ARHGAP5: variants seen among roughly 807,000 people sequenced by gnomAD.
The protein encoded by ARHGAP5 is rho GTPase-activating protein 5.
In ARHGAP5, 23 loss-of-function variants were observed where a neutral mutation model predicts 116.6. That is an observed-to-expected ratio of 0.20 (90% CI 0.14 to 0.28). The LOEUF is 0.28. Among genes scored for constraint, ARHGAP5 ranks in the 10% least tolerant of loss-of-function variants. The pLI is 1.00. For synonymous variants in ARHGAP5, 574 were observed against 602.0 expected (o/e 0.95, Z 0.68); for missense variants, 1,405 against 1,774.8 (o/e 0.79, Z 3.74).
intron 3 of ARHGAP5, among the ~76,000 whole-genome samples, chr14:32,143,374 C>G (rs932835778): frequency 5.3e-5 from 8 of 152,178 alleles, no homozygotes; most frequent in South Asian, 2.1e-4. Context: ...TCCAAAGTAG[C>G]TGGGACTACA....
Position 32,077,452 on chromosome 14 carries a change from C to T in ARHGAP5, c.-169+17C>T, listed in dbSNP as rs934722989. 2.9e-6 allele frequency: 2 copies of T among 697,422 alleles called. No homozygotes were observed. Among genetic ancestry groups the T allele is most frequent in the Admixed American group, 2.0e-5 (1 of 49,428 alleles). 43.2% of individuals were successfully genotyped at this position (697,422 alleles called of 1,614,324 possible). Reference sequence around the variant, plus strand: ...CGTTGTTAGGTAGGACCTTGCGGACCCCGCTCCTCCAAGCCTGCCTGCCCC... The same window carrying T: ...CGTTGTTAGGTAGGACCTTGCGGACTCCGCTCCTCCAAGCCTGCCTGCCCC... On this transcript the variant is annotated intron_variant, in intron 1 of 6. Transcript: ENST00000345122.
At chr14:32,114,783 G>T (rs1436900568) in intron 2 of ARHGAP5, among the ~76,000 whole-genome samples, 2 of 152,154 alleles carry the variant, frequency 1.3e-5, no homozygotes, top group African/African-American at 4.8e-5. Flanking sequence ...AGACTCAGAA[G>T]AATACATTGA....
At chr14:32,103,208 T>TG (rs994767106) in intron 2 of ARHGAP5, among the ~76,000 whole-genome samples, 12 of 152,214 alleles carry the variant, frequency 7.9e-5, no homozygotes, top group African/African-American at 2.9e-4. Flanking sequence ...ATAACATAAG[T>TG]GTGGATATGT....
At chr14:32,147,370 C>A (rs1193008563) in intron 4 of ARHGAP5, among the ~76,000 whole-genome samples, 1 of 152,150 alleles carries the variant, frequency 6.6e-6, no homozygotes, top group African/African-American at 2.4e-5. Context: ...TAATTCACAT[C>A]AGAAGAGAGC....
chr14:32,156,518 A>C lies in ARHGAP5; in HGVS notation c.*1570A>C, dbSNP rs955313496. On this transcript the variant is annotated 3_prime_UTR_variant, in exon 7 of 7. Transcript: ENST00000345122. ...CAGGCTGCTGTTGAAGTACATGTATATTATAAATTATCTTATTTGTGTTAT... is the reference window on the plus strand; with the variant it reads ...CAGGCTGCTGTTGAAGTACATGTATCTTATAAATTATCTTATTTGTGTTAT... The C allele has an allele frequency of 6.6e-6, 1 of 152,354 alleles. No individual in the cohort carries two copies. Among genetic ancestry groups the C allele is most frequent in the South Asian group, 2.1e-4 (1 of 4,824 alleles). The allele number at this position is 152,354 out of a possible 1,614,324, so 9.4% of individuals were successfully genotyped here. A position where few individuals can be genotyped will look rare whatever the true frequency, so the allele number is the denominator to read the frequency against.
At position 32,152,539 on chromosome 14, in the gene ARHGAP5, T is replaced by C; in HGVS notation, c.4181+11T>C. 2.0e-6 allele frequency: 3 copies of C among 1,467,382 alleles called. No individual in the cohort carries two copies. The South Asian group carries it at 4.0e-5, about 19-fold the overall frequency. The allele number at this position is 1,467,382 out of a possible 1,614,324, so 90.9% of individuals were successfully genotyped here. On this transcript the variant is annotated intron_variant, in intron 6 of 6. Transcript: ENST00000345122. ...AACACATCTAAACAGGTATTTTTATTTTTTTAGGGTTTTTTGGCAAATAAA... is the reference window on the plus strand; with the variant it reads ...AACACATCTAAACAGGTATTTTTATCTTTTTAGGGTTTTTTGGCAAATAAA...
chr14:32,122,765 C>T lies in ARHGAP5; in HGVS notation c.3865+5478C>T, dbSNP rs548535040. Reference sequence around the variant, plus strand: ...ATATAAGCACTATTTATTAAAAAGACTATTCTACTGAATTGCCTTGGCACA... The same window carrying T: ...ATATAAGCACTATTTATTAAAAAGATTATTCTACTGAATTGCCTTGGCACA... On this transcript the variant is annotated intron_variant, in intron 3 of 6. Coordinates refer to ENST00000345122, the MANE Select transcript of ARHGAP5 (RefSeq NM_001030055.2). 2.6e-5 allele frequency among the ~76,000 whole-genome samples: 4 copies of T among 152,314 alleles called. No individual in the cohort carries two copies. In the East Asian group the frequency reaches 7.7e-4, roughly 29 times the overall value.
Position 32,093,223 on chromosome 14 carries a change from A to G in ARHGAP5, c.2554A>G (p.Ile852Val), listed in dbSNP as rs762982624. ...AAAAGATGAACTAGTTCATGGGTATATATTAGTTTACTCTGCAAAACGGAA... is the reference window on the plus strand; with the variant it reads ...AAAAGATGAACTAGTTCATGGGTATGTATTAGTTTACTCTGCAAAACGGAA... Reference protein sequence around the residue: ...VRKDELVHGYILVYSAKRKAS... With the variant: ...VRKDELVHGYVLVYSAKRKAS... Residue 852 changes from isoleucine (I) to valine (V), a missense_variant, in exon 2 of 7, where the codon ATA becomes GTA. Physicochemically the swap from Ile to Val is conservative, Grantham distance 29. Around this residue, in one of 6 missense-constraint regions of ARHGAP5, gnomAD observed 944 missense variants for 1,095.3 expected, o/e 0.86. Coordinates refer to ENST00000345122, the MANE Select transcript of ARHGAP5 (RefSeq NM_001030055.2). 6.2e-6 allele frequency: 10 copies of G among 1,613,864 alleles called. No individual in the cohort carries two copies. The highest frequency in any genetic ancestry group is 5.5e-5 in the South Asian group (5 of 91,056).
chr14:32,127,710 G>T (rs1001612373), intron 3 of ARHGAP5, among the ~76,000 whole-genome samples: 2 of 152,010 alleles, frequency 1.3e-5, no homozygotes, highest in African/African-American at 4.8e-5. Context: ...ACGGGGTGGC[G>T]GCCGGGCAGA....
intron 1 of ARHGAP5, among the ~76,000 whole-genome samples, chr14:32,090,049 A>G (rs1439037510): frequency 6.6e-6 from 1 of 151,960 alleles, no homozygotes; most frequent in Non-Finnish European, 1.5e-5. Flanking sequence ...GTTTTAAGGA[A>G]TAAGTTTTAA....
intron 1 of ARHGAP5, among the ~76,000 whole-genome samples, chr14:32,088,018 TAG>T (rs1049782390): frequency 5.3e-5 from 8 of 152,166 alleles, no homozygotes; most frequent in Non-Finnish European, 7.4e-5. Flanking sequence ...CATTTTATGA[TAG>T]AGTGTTTTCA....
intron 2 of ARHGAP5, among the ~76,000 whole-genome samples, chr14:32,098,988 T>G (rs1368296527): frequency 6.6e-6 from 1 of 152,174 alleles, no homozygotes; most frequent in Non-Finnish European, 1.5e-5. Context: ...GTTTAGTATA[T>G]TACAGTAATC....
At position 32,154,994 on chromosome 14, in the gene ARHGAP5, C is replaced by G; in HGVS notation, c.*46C>G. The G allele has an allele frequency of 6.6e-7, 1 of 1,523,756 alleles. No homozygotes were observed. The highest frequency in any genetic ancestry group is 9.0e-7 in the Non-Finnish European group (1 of 1,112,580). The allele number at this position is 1,523,756 out of a possible 1,614,324, so 94.4% of individuals were successfully genotyped here. On this transcript the variant is annotated 3_prime_UTR_variant, in exon 7 of 7. Transcript: ENST00000345122. ...GGCTGGATTTGGACAAAAAGCAAAT[C>G]TAGACATGCATGTTTCAGGGTTCAG...
At chr14:32,150,594 A>T (rs1270829758) in intron 5 of ARHGAP5, among the ~76,000 whole-genome samples, 6 of 152,046 alleles carry the variant, frequency 3.9e-5, no homozygotes, top group Non-Finnish European at 8.8e-5. Flanking sequence ...GGCTGAACTT[A>T]CTCTTTTATC....
chr14:32,103,760 G>C (rs1878890639), intron 2 of ARHGAP5, among the ~76,000 whole-genome samples: 1 of 152,080 alleles, frequency 6.6e-6, no homozygotes, highest in Admixed American at 6.6e-5. Flanking sequence ...TGTCATCTCA[G>C]CTAAAGTGTG....
At chr14:32,154,492 C>G in intron 6 of ARHGAP5, 129 bp from the exon 7 acceptor site, 1 of 864,980 alleles carries the variant, frequency 1.2e-6, no homozygotes, top group Non-Finnish European at 1.7e-6. Flanking sequence ...CTTCTTTATG[C>G]AAATTTTTAA....
chr14:32,125,512 A>G (rs569335022), intron 3 of ARHGAP5, among the ~76,000 whole-genome samples: 57 of 152,326 alleles, frequency 3.7e-4, no homozygotes, highest in African/African-American at 1.3e-3. Flanking sequence ...AGAATACTGG[A>G]TCATATGGTA....
rs1238609302 is a variant in ARHGAP5, at chr14:32,155,661, G to A, written c.*713G>A. On this transcript the variant is annotated 3_prime_UTR_variant, in exon 7 of 7. Coordinates refer to ENST00000345122, the MANE Select transcript of ARHGAP5 (RefSeq NM_001030055.2). The stretch of plus-strand genomic sequence containing the variant: ...AGTTGTCACCAACTCATTTCTTTAT[G>A]GTCCATAATGAAATAAAAATTTTGT... The A allele has an allele frequency of 2.6e-5, 4 of 152,454 alleles. No homozygotes were observed. Among genetic ancestry groups the A allele is most frequent in the South Asian group, 2.1e-4 (1 of 4,816 alleles). 9.4% of individuals were successfully genotyped at this position (152,454 alleles called of 1,614,324 possible). A position where few individuals can be genotyped will look rare whatever the true frequency, so the allele number is the denominator to read the frequency against.
rs185369458 is a variant in ARHGAP5, at chr14:32,100,539, C to T, written c.3717+6153C>T. Among the ~76,000 whole-genome samples, 384 of 152,290 alleles carry T rather than the reference C, an allele frequency of 2.5e-3. 2 individuals carry two copies. Among genetic ancestry groups the T allele is most frequent in the African/African-American group, 8.6e-3 (359 of 41,558 alleles). ...AAAAACAGCGTAGCAACTGTTTACA[C>T]AGCATTTACACTGTTTTAGGTTATT... On this transcript the variant is annotated intron_variant, in intron 2 of 6. Transcript: ENST00000345122.
Sources: allele counts gnomAD v4.1 joint callset (sites outside exome capture counted in the v4.1 genomes callset), GRCh38; gene constraint gnomAD v4.1.1; regional missense constraint gnomAD v4.1.1; transcripts MANE v1.5; gene names NCBI Gene and HGNC (gene_info 2026-07-23, HGNC 2026-07-21).